GANAB: variants seen among roughly 807,000 people sequenced by gnomAD.
The protein encoded by GANAB is neutral alpha-glucosidase AB.
GANAB carries 35 observed loss-of-function variants against 129.9 expected under a neutral mutation model. The ratio of observed to expected loss-of-function variants is 0.27; its 90% CI spans 0.21 to 0.36. The LOEUF (loss-of-function observed/expected upper bound fraction) is 0.36, where lower values mean the gene tolerates loss of function less well. GANAB is among the 10% of genes least tolerant of loss of function. GANAB has a pLI of 1.00. For synonymous variants in GANAB, 482 were observed against 451.8 expected, an observed-to-expected ratio of 1.07 and a Z score of -0.85; for missense variants, 939 against 1,221.0, an observed-to-expected ratio of 0.77 and a Z score of 3.44.
rs565839999 is a variant in GANAB, at chr11:62,629,960, G to A, written c.1594-3C>T. The A allele has an allele frequency of 2.5e-6, 4 of 1,613,868 alleles. No homozygotes were observed. In the African/African-American group the frequency reaches 4.0e-5, roughly 16 times the overall value. ...ACAAAGAGGTTGGGAGCTGAGCCCT[G>A]GGAACGTGGGCAGAAAATGGGGACA... On this transcript the variant is annotated splice_region_variant and splice_polypyrimidine_tract_variant and intron_variant, in intron 13 of 23. Transcript: ENST00000356638.
At chr11:62,638,427 C>T (rs1265166524) in intron 4 of GANAB, among the ~76,000 whole-genome samples, 2 of 152,114 alleles carry the variant, frequency 1.3e-5, no homozygotes, top group Non-Finnish European at 2.9e-5. Context: ...GCTGGGATTA[C>T]AGGCGTTGAG....
chr11:62,633,841 T>C (rs771774209), intron 5 of GANAB: 30 of 456,298 alleles, frequency 6.6e-5, no homozygotes, highest in Admixed American at 1.5e-4. Flanking sequence ...CTGTTGCCTC[T>C]ACTGAGAGAT....
At chr11:62,632,452 C>A in intron 9 of GANAB, 113 bp downstream of exon 9, 1 of 790,288 alleles carries the variant, frequency 1.3e-6, no homozygotes, top group Admixed American at 2.1e-5. Context: ...CCCACCAGGC[C>A]CACAGCCCCT....
chr11:62,639,264 G>T, intron 3 of GANAB, 95 bp downstream of exon 3: 1 of 1,280,630 alleles, frequency 7.8e-7, no homozygotes, highest in Non-Finnish European at 1.1e-6. Context: ...CCAAAGATTA[G>T]GCTGGGACAA....
At chr11:62,636,697 C>T (rs1259429991) in intron 4 of GANAB, among the ~76,000 whole-genome samples, 1 of 152,026 alleles carries the variant, frequency 6.6e-6, no homozygotes, top group African/African-American at 2.4e-5. Context: ...CGCCTGTAGT[C>T]CCAGCTACTT....
chr11:62,641,478 C>G (rs1398340632), intron 1 of GANAB, among the ~76,000 whole-genome samples: 7 of 151,980 alleles, frequency 4.6e-5, no homozygotes, highest in Non-Finnish European at 1.5e-5. Context: ...CCATCACTAC[C>G]CAAAGCTGAA....
chr11:62,627,158 G>A (rs763082802), intron 18 of GANAB, 34 bp from the exon 19 acceptor site: 32 of 1,571,168 alleles, frequency 2.0e-5, no homozygotes, highest in Non-Finnish European at 2.5e-5. Context: ...TGAATAGGGG[G>A]ATTAGTTCCC....
chr11:62,628,840 C>T lies in GANAB; in HGVS notation c.2109G>A (p.Gln703=). 6.2e-7 allele frequency: 1 copy of T among 1,614,048 alleles called. No homozygotes were observed. Among genetic ancestry groups the T allele is most frequent in the South Asian group, 1.1e-5 (1 of 91,078 alleles). ...HNDIIRDALG[Q]RYSLLPFWYT... ...ACCAGAAGGGCAGCAAAGAATATCG[C>T]TGGCCCAAGGCATCTCGGATTATAT... The change falls in exon 17 of 24, where the codon CAG becomes CAA. Residue 703 remains glutamine (Q), a synonymous_variant. Coordinates refer to ENST00000356638, the MANE Select transcript of GANAB (RefSeq NM_198334.3).
intron 1 of GANAB, among the ~76,000 whole-genome samples, chr11:62,645,613 C>T (rs1215476062): frequency 5.3e-5 from 8 of 151,734 alleles, no homozygotes; most frequent in Non-Finnish European, 1.2e-4. Context: ...AAAATTGGTT[C>T]GGAAAGATGC....
intron 4 of GANAB, among the ~76,000 whole-genome samples, chr11:62,638,603 G>C (rs546452952): frequency 4.8e-4 from 9 of 18,682 alleles, no homozygotes; most frequent in African/African-American, 6.3e-4. Context: ...AGGAAGGAAG[G>C]AAGGAAGGAA....
chr11:62,633,578 G>A, intron 5 of GANAB, 64 bp from the exon 6 acceptor site: 6 of 1,407,122 alleles, frequency 4.3e-6, no homozygotes, highest in Non-Finnish European at 6.0e-6. Context: ...CTAGTGGAAG[G>A]AGGGGTTGGG....
rs573953588 is a variant in GANAB, at chr11:62,627,316, A to G, written c.2218T>C (p.Phe740Leu). The change falls in exon 18 of 24, where the codon TTC (phenylalanine) becomes CTC (leucine). Residue 740 changes from phenylalanine (F) to leucine (L), a missense_variant. This residue lies in a region of GANAB where 230 missense variants were observed against 259.9 expected (regional missense o/e 0.89). Coordinates refer to ENST00000356638, the MANE Select transcript of GANAB (RefSeq NM_198334.3). ...WVQYPQDVTT[F>L]NIDDQYLLGD... ...AGCAAGTACTGATCATCTATATTGA[A>G]GGTAGTCACATCCTGAGGGTACTGC... is the stretch of plus-strand genomic sequence containing the variant. 2 of 1,583,014 alleles carry G rather than the reference A, an allele frequency of 1.3e-6. No homozygotes were observed. Among genetic ancestry groups the G allele is most frequent in the East Asian group, 4.5e-5 (2 of 44,714 alleles).
rs117772883 is a variant in GANAB, at chr11:62,630,168, C to T, written c.1593+29G>A. The T allele has an allele frequency of 1.8e-4, 280 of 1,534,048 alleles. No individual in the cohort carries two copies. In the East Asian group the frequency reaches 3.1e-3, roughly 17 times the overall value. On this transcript the variant is annotated intron_variant, in intron 13 of 23. Coordinates refer to ENST00000356638, the MANE Select transcript of GANAB (RefSeq NM_198334.3). ...CAGGGAGGCAGGTGGAACAGACAGACGCAGGTCATGGGGAGAGGCCTTCCC... is the reference window on the plus strand; with the variant it reads ...CAGGGAGGCAGGTGGAACAGACAGATGCAGGTCATGGGGAGAGGCCTTCCC...
At chr11:62,631,002 G>T (rs1250977499) in intron 10 of GANAB, 28 bp downstream of exon 10, 1 of 1,585,326 alleles carries the variant, frequency 6.3e-7, no homozygotes, top group East Asian at 2.3e-5. Flanking sequence ...GAAAAGAGCA[G>T]AAGAATGAGG....
intron 1 of GANAB, among the ~76,000 whole-genome samples, chr11:62,640,533 CAAAAAAA>C (rs61299912): frequency 1.2e-5 from 1 of 86,624 alleles, no homozygotes; most frequent in Non-Finnish European, 2.0e-5. Flanking sequence ...ACTCCATCTC[CAAAAAAA>C]AAAAAAAAAA....
At chr11:62,633,946 G>T in intron 5 of GANAB, 1 of 351,984 alleles carries the variant, frequency 2.8e-6, no homozygotes, top group Non-Finnish European at 5.2e-6. Flanking sequence ...AGCCTCTACA[G>T]ACATACATAG....
chr11:62,628,620 C>T, intron 17 of GANAB, 149 bp downstream of exon 17: 1 of 787,876 alleles, frequency 1.3e-6, no homozygotes, highest in East Asian at 2.5e-5. Context: ...TATTCATCTC[C>T]ATTAAGCTCC....
intron 5 of GANAB, 188 bp downstream of exon 5, chr11:62,634,633 C>G (rs1943852163): frequency 1.6e-6 from 1 of 617,656 alleles, no homozygotes; most frequent in Non-Finnish European, 2.8e-6. Context: ...GTGACTGCCT[C>G]CTGGTCTGTA....
chr11:62,627,836 C>A (rs534522443), intron 17 of GANAB, among the ~76,000 whole-genome samples: 1 of 152,354 alleles, frequency 6.6e-6, no homozygotes, highest in East Asian at 1.9e-4. Context: ...ACAATCCAGT[C>A]TTAGACATTT....
Sources: gnomAD v4.1 joint callset for allele counts (sites outside exome capture counted in the v4.1 genomes callset) on GRCh38, gnomAD v4.1.1 for gene constraint, gnomAD v4.1.1 regional missense constraint, MANE v1.5 for transcripts, NCBI Gene and HGNC (gene_info 2026-07-23, HGNC 2026-07-21) for gene names.